KDM6B: variants seen among roughly 807,000 people sequenced by gnomAD.
KDM6B encodes the protein lysine-specific demethylase 6B.
A neutral mutation model predicts 150.4 loss-of-function variants in KDM6B; 22 were observed. The observed-to-expected ratio is 0.15, with a 90% CI of 0.10 to 0.21. The LOEUF (loss-of-function observed/expected upper bound fraction) is 0.21. KDM6B is among the 10% of genes least tolerant of loss of function. The probability of loss-of-function intolerance (pLI) is 1.00; values close to 1 mark genes in which losing one functional copy is unlikely to be tolerated. For missense variants in KDM6B, 1,984 were observed against 2,234.3 expected, an observed-to-expected ratio of 0.89 and a Z score of 2.26; for synonymous variants, 1,148 against 921.1, an observed-to-expected ratio of 1.25 and a Z score of -4.46.
At chr17:7,834,893 C>T (rs940316446) in intron 1 of KDM6B, among the ~76,000 whole-genome samples, 1 of 152,078 alleles carries the variant, frequency 6.6e-6, no homozygotes, top group Non-Finnish European at 1.5e-5. Context: ...CTGCGCCTCC[C>T]TTTCACTCCG....
rs749448352 is a variant in KDM6B at position 7,848,114 on chromosome 17, C to A, written c.1826C>A (p.Ala609Asp). 1.2e-6 allele frequency: 2 copies of A among 1,612,986 alleles called. No homozygotes were observed. The highest frequency in any genetic ancestry group is 2.7e-5 in the African/African-American group (2 of 74,926). ...LVPLTLALPP[A>D]PPSSCHQNTS... ...CCCCTGACTCTTGCCCTGCCTCCAGCCCCTCCTTCCTCCTGCCACCAAAAT... is the reference window on the plus strand; with the variant it reads ...CCCCTGACTCTTGCCCTGCCTCCAGACCCTCCTTCCTCCTGCCACCAAAAT... The change falls in exon 12 of 24, where the codon GCC (alanine) becomes GAC (aspartate). Residue 609 changes from alanine (A) to aspartate (D), a missense_variant. By Grantham distance (126) the Ala-to-Asp change is moderately radical. This residue lies in a region of KDM6B where 1,379 missense variants were observed against 1,275.6 expected (regional missense o/e 1.08). Coordinates refer to ENST00000448097, the MANE Select transcript of KDM6B (RefSeq NM_001348716.2).
rs530039337 is a variant in KDM6B, at chr17:7,851,273, G to A, written c.3879+47G>A. 30 of 1,613,444 alleles carry A rather than the reference G, an allele frequency of 1.9e-5. No homozygotes were observed. In the East Asian group the frequency reaches 6.2e-4, roughly 34 times the overall value. ...AGGCAGGTCCTGGGACGGGGCTGCG[G>A]TGGGAGGGCTCTCGAAAGGTCTCTG... is the stretch of plus-strand genomic sequence containing the variant. On this transcript the variant is annotated intron_variant, in intron 15 of 23. Coordinates refer to ENST00000448097, the MANE Select transcript of KDM6B (RefSeq NM_001348716.2).
Position 7,844,999 on chromosome 17 carries a change from AGGAC to A in KDM6B, c.-168_-165del. The A allele has an allele frequency of 3.8e-5, 7 of 186,528 alleles. No homozygotes were observed. The highest frequency in any genetic ancestry group is 3.7e-4 in the South Asian group (4 of 10,886). The allele number at this position is 186,528 out of a possible 1,614,324, so 11.6% of individuals were successfully genotyped here. A position where few individuals can be genotyped will look rare whatever the true frequency, so the allele number is the denominator to read the frequency against. ...CTCTGGAGCTTGCCGACGCGGTGTG[AGGAC>A]GCTCCCACGGAGGCCGGGTAAGCGG... On this transcript the variant is annotated 5_prime_UTR_variant, in exon 3 of 24. Transcript: ENST00000448097. This position sits in a 1 kb window ranked among gnomAD's most constrained non-coding sequence, Gnocchi z 5.9.
rs1231752725 is a variant in KDM6B, at chr17:7,848,892, A to G, written c.2604A>G (p.Ser868=). The change falls in exon 12 of 24, where the codon TCA becomes TCG. Residue 868 remains serine (S), a synonymous_variant. Coordinates refer to ENST00000448097, the MANE Select transcript of KDM6B (RefSeq NM_001348716.2). ...QGSPQPSASS[S]SQFSTSGGPW... is the part of the protein sequence containing the mutation. Reference sequence around the variant, plus strand: ...CCCCACAGCCCTCTGCTTCCTCGTCATCTCAGTTCTCTACCTCAGGCGGGC... The same window carrying G: ...CCCCACAGCCCTCTGCTTCCTCGTCGTCTCAGTTCTCTACCTCAGGCGGGC... The G allele has an allele frequency of 4.4e-6, 7 of 1,605,480 alleles. No individual in the cohort carries two copies. Among genetic ancestry groups the G allele is most frequent in the Non-Finnish European group, 6.0e-6 (7 of 1,175,484 alleles).
chr17:7,834,312 T>C lies in KDM6B; in HGVS notation c.-426T>C, dbSNP rs1415697207. ...GGGCCGCTCGACCCCCTGGGATACC[T>C]TGGGGAGCCTGAACACCTGGGACCC... is the stretch of plus-strand genomic sequence containing the variant. On this transcript the variant is annotated 5_prime_UTR_variant, in exon 1 of 24. Transcript: ENST00000448097. 1.3e-5 allele frequency among the ~76,000 whole-genome samples: 2 copies of C among 151,670 alleles called. No homozygotes were observed. Among genetic ancestry groups the C allele is most frequent in the African/African-American group, 2.4e-5 (1 of 41,290 alleles).
At chr17:7,835,135 T>A (rs893761167) in intron 1 of KDM6B, among the ~76,000 whole-genome samples, 1 of 152,056 alleles carries the variant, frequency 6.6e-6, no homozygotes, top group Admixed American at 6.5e-5. Flanking sequence ...TCCTGTGATC[T>A]GGGCCCCCTC....
intron 2 of KDM6B, 92 bp downstream of exon 2, chr17:7,840,116 T>C (rs1269509627): frequency 6.6e-6 from 1 of 152,612 alleles, no homozygotes; most frequent in Non-Finnish European, 1.5e-5. Flanking sequence ...TCATGCCCAC[T>C]CTTCAGAATG....
chr17:7,854,470 C>T lies in KDM6B; in HGVS notation c.*949C>T, dbSNP rs2078771661. The T allele has an allele frequency of 2.0e-5, 3 of 152,148 alleles. No individual in the cohort carries two copies. Among genetic ancestry groups the T allele is most frequent in the Admixed American group, 2.0e-4 (3 of 15,276 alleles). The allele number at this position is 152,148 out of a possible 1,614,324, so 9.4% of individuals were successfully genotyped here. On this transcript the variant is annotated 3_prime_UTR_variant, in exon 24 of 24. Coordinates refer to ENST00000448097, the MANE Select transcript of KDM6B (RefSeq NM_001348716.2). Reference sequence around the variant, plus strand: ...AAGAAAGAACTATGAGGAAAAGGAACCCCGTCCTTCCCAGCCCCGGCCAAC... The same window carrying T: ...AAGAAAGAACTATGAGGAAAAGGAATCCCGTCCTTCCCAGCCCCGGCCAAC...
Position 7,852,146 on chromosome 17 carries a change from C to T in KDM6B, c.4281-3C>T. 6.2e-7 allele frequency: 1 copy of T among 1,614,084 alleles called. No homozygotes were observed. Among genetic ancestry groups the T allele is most frequent in the Non-Finnish European group, 8.5e-7 (1 of 1,180,016 alleles). On this transcript the variant is annotated splice_region_variant and splice_polypyrimidine_tract_variant and intron_variant, in intron 19 of 23. Transcript: ENST00000448097. ...TCCCACCTGACCTGTGGCCACCCCGCAGGCACGGCGTGGACTACTTGACGG... is the reference window on the plus strand; with the variant it reads ...TCCCACCTGACCTGTGGCCACCCCGTAGGCACGGCGTGGACTACTTGACGG...
intron 1 of KDM6B, among the ~76,000 whole-genome samples, chr17:7,837,007 G>T (rs780123170): frequency 1.3e-5 from 2 of 152,100 alleles, no homozygotes; most frequent in Non-Finnish European, 2.9e-5. Context: ...TTAGCATCCT[G>T]CAGGTGGGAA....
rs2078390079 is a variant in KDM6B at position 7,839,979 on chromosome 17, C to T, written c.-314C>T. 2 of 152,612 alleles carry T rather than the reference C, an allele frequency of 1.3e-5. No homozygotes were observed. The highest frequency in any genetic ancestry group is 4.1e-4 in the South Asian group (2 of 4,830). The allele number at this position is 152,612 out of a possible 1,614,324, so 9.5% of individuals were successfully genotyped here. On this transcript the variant is annotated 5_prime_UTR_variant, in exon 2 of 24. Coordinates refer to ENST00000448097, the MANE Select transcript of KDM6B (RefSeq NM_001348716.2). ...CACTGTGGTCTGTTGTACCCCACTG[C>T]TGGGGTGGTGGTTCCAATGAGACAG... is the stretch of plus-strand genomic sequence containing the variant.
Position 7,851,192 on chromosome 17 carries a change from A to G in KDM6B, c.3845A>G (p.Gln1282Arg). ...RSHTTIAKYA[Q>R]YQASSFQESL... ...CACACCACCATTGCCAAGTACGCAC[A>G]GTACCAGGCCTCATCCTTCCAGGAG... is the stretch of plus-strand genomic sequence containing the variant. Residue 1282 changes from glutamine (Q) to arginine (R), a missense_variant, in exon 15 of 24, where the codon CAG (glutamine) becomes CGG (arginine). Physicochemically the swap from Gln to Arg is conservative, Grantham distance 43 (BLOSUM62 1). Around this residue, in one of 13 missense-constraint regions of KDM6B, gnomAD observed 10 missense variants for 54.7 expected, o/e 0.18. Transcript: ENST00000448097. 2 of 1,614,030 alleles carry G rather than the reference A, an allele frequency of 1.2e-6. No individual in the cohort carries two copies. Among genetic ancestry groups the G allele is most frequent in the East Asian group, 2.2e-5 (1 of 44,886 alleles).
rs59627144 is a variant in KDM6B at position 7,848,540 on chromosome 17, TCACCACCACCACCAC to T, written c.2271_2285del (p.Thr758_Thr762del). ...ACCACTACTGCTCCTGCTGTCGCCG[TCACCACCACCACCAC>T]CACCACCACCACCACCACGGCCACC... On this transcript the variant is annotated inframe_deletion, in exon 12 of 24. Transcript: ENST00000448097. The T allele has an allele frequency of 7.6e-5, 119 of 1,575,932 alleles. No individual in the cohort carries two copies. Among genetic ancestry groups the T allele is most frequent in the South Asian group, 3.2e-4 (28 of 88,848 alleles).
At position 7,849,815 on chromosome 17, in the gene KDM6B, C is replaced by A. The variant is rs1468730242; in HGVS notation, c.3441-6C>A. On this transcript the variant is annotated splice_region_variant and splice_polypyrimidine_tract_variant and intron_variant, in intron 12 of 23. Coordinates refer to ENST00000448097, the MANE Select transcript of KDM6B (RefSeq NM_001348716.2). ...TTTCTGTCTTCATTCCACTGTCCTC[C>A]CGCAGGAATGCCAAGGTGAAAGGGA... 6.2e-7 allele frequency: 1 copy of A among 1,613,000 alleles called. No individual in the cohort carries two copies. The highest frequency in any genetic ancestry group is 8.5e-7 in the Non-Finnish European group (1 of 1,180,022).
chr17:7,850,391 C>T (rs555109336), intron 14 of KDM6B, among the ~76,000 whole-genome samples: 69 of 152,298 alleles, frequency 4.5e-4, no homozygotes, highest in African/African-American at 1.7e-3. Context: ...TTAGTCATTT[C>T]TGAATTTTTT....
intron 1 of KDM6B, among the ~76,000 whole-genome samples, chr17:7,838,501 C>T (rs1271483415): frequency 1.1e-5 from 1 of 87,286 alleles, no homozygotes; most frequent in Non-Finnish European, 2.2e-5. Context: ...ATTACAGCCT[C>T]CGGCTTGGGG....
chr17:7,834,501 G>A (rs2078291082), intron 1 of KDM6B, among the ~76,000 whole-genome samples, 151 bp downstream of exon 1: 1 of 152,066 alleles, frequency 6.6e-6, no homozygotes, highest in South Asian at 2.1e-4. Context: ...GAGGTCATGG[G>A]TCCCCTAGAA....
Position 7,846,493 on chromosome 17 carries a change from G to A in KDM6B, c.549+1G>A. 6.2e-7 allele frequency: 1 copy of A among 1,613,992 alleles called. No homozygotes were observed. The highest frequency in any genetic ancestry group is 8.5e-7 in the Non-Finnish European group (1 of 1,179,964). On this transcript the variant is annotated splice_donor_variant, in intron 8 of 23. Coordinates refer to ENST00000448097, the MANE Select transcript of KDM6B (RefSeq NM_001348716.2). LOFTEE classifies it high-confidence loss of function. ...AGTGTGGAACTTGCTACACCTTGAG[G>A]TGAGGCTGGCACTGGGTGGGTTAGG...
chr17:7,839,794 CCAT>C (rs2078387147), intron 1 of KDM6B, 109 bp from the exon 2 acceptor site: 1 of 152,190 alleles, frequency 6.6e-6, no homozygotes. Context: ...CAAGATTCTC[CCAT>C]CATATCTGAC....
Sources: gnomAD v4.1 joint callset for allele counts (sites outside exome capture counted in the v4.1 genomes callset) on GRCh38, gnomAD v4.1.1 for gene constraint, gnomAD v4.1.1 regional missense constraint, Gnocchi (gnomAD v3.1) non-coding constraint, MANE v1.5 for transcripts, NCBI Gene and HGNC (gene_info 2026-07-23, HGNC 2026-07-21) for gene names.